The following GSE1 variants were observed in gnomAD, a reference collection of about 807,000 sequenced individuals.
GSE1 encodes the protein Gse1 coiled-coil protein.
Under a neutral mutation model 112.6 loss-of-function variants are expected in GSE1, and 32 were observed. The ratio of observed to expected loss-of-function variants is 0.28; its 90% CI spans 0.21 to 0.38. The LOEUF (loss-of-function observed/expected upper bound fraction) is 0.38, where lower values mean the gene tolerates loss of function less well. Among genes scored for constraint, GSE1 ranks in the 10% least tolerant of loss-of-function variants. The pLI is 1.00. For synonymous variants in GSE1, 1,115 were observed against 735.6 expected, an observed-to-expected ratio of 1.52 and a Z score of -8.35; for missense variants, 2,348 against 1,699.2, an observed-to-expected ratio of 1.38 and a Z score of -6.71.
At chr16:85,350,578 G>A (rs574904292) in intron 1 of GSE1, among the ~76,000 whole-genome samples, 14 of 152,102 alleles carry the variant, frequency 9.2e-5, no homozygotes, top group Middle Eastern at 6.8e-3. Flanking sequence ...AGGCCAAGAC[G>A]CCTTCCCCAG....
intron 1 of GSE1, among the ~76,000 whole-genome samples, chr16:85,339,576 A>G (rs564074182): frequency 4.5e-5 from 6 of 133,618 alleles, no homozygotes; most frequent in Admixed American, 8.6e-5. Flanking sequence ...TGTCTTCTCA[A>G]TGTTCTCCCA....
At chr16:85,424,115 G>A (rs565113323) in intron 2 of GSE1, among the ~76,000 whole-genome samples, 1 of 152,358 alleles carries the variant, frequency 6.6e-6, no homozygotes, top group African/African-American at 2.4e-5. Flanking sequence ...GTGTTCTGGG[G>A]TCTCTTGAAG....
chr16:85,452,528 C>A (rs2049715536), intron 2 of GSE1, among the ~76,000 whole-genome samples: 1 of 152,250 alleles, frequency 6.6e-6, no homozygotes, highest in South Asian at 2.1e-4. Flanking sequence ...CCGGCGGGGC[C>A]CAGAAGCCCC....
intron 1 of GSE1, among the ~76,000 whole-genome samples, chr16:85,614,594 G>C (rs983896717): frequency 6.6e-6 from 1 of 152,208 alleles, no homozygotes; most frequent in Non-Finnish European, 1.5e-5. Context: ...GTGGGCCGGG[G>C]GCCTGGCCGC....
chr16:85,664,342 A>T (rs965498527), intron 11 of GSE1, among the ~76,000 whole-genome samples: 2 of 152,190 alleles, frequency 1.3e-5, no homozygotes, highest in East Asian at 3.8e-4. Context: ...TTGGACCTTG[A>T]GCAGCTTCAA....
At chr16:85,506,480 G>A (rs1049499577) in intron 2 of GSE1, among the ~76,000 whole-genome samples, 4 of 152,020 alleles carry the variant, frequency 2.6e-5, no homozygotes, top group African/African-American at 9.7e-5. Flanking sequence ...AGGAAAAGGG[G>A]GCAAGACAAG....
intron 2 of GSE1, among the ~76,000 whole-genome samples, chr16:85,420,357 T>C (rs762587822): frequency 5.9e-5 from 9 of 152,180 alleles, no homozygotes; most frequent in Non-Finnish European, 1.2e-4. Flanking sequence ...TGAGGGAACG[T>C]ACTTCTGTTG....
intron 1 of GSE1, 32 bp downstream of exon 1, chr16:85,613,430 T>TCCTCCCC (rs1262259649): frequency 4.1e-5 from 62 of 1,527,540 alleles, no homozygotes; most frequent in Non-Finnish European, 5.0e-5. Context: ...GGGGACGGGG[T>TCCTCCCC]CCTCCCCCCT....
intron 2 of GSE1, chr16:85,359,565 G>A (rs2047021619): frequency 2.7e-6 from 1 of 363,656 alleles, no homozygotes; most frequent in Non-Finnish European, 5.6e-6. Context: ...GCAACCTCGT[G>A]AGCTGATGCT....
At chr16:85,614,122 C>T (rs888694471) in intron 1 of GSE1, among the ~76,000 whole-genome samples, 96 of 150,210 alleles carry the variant, frequency 6.4e-4, no homozygotes, top group African/African-American at 2.2e-3. Flanking sequence ...GCCCCAGCCT[C>T]GGAGGTGGGA....
chr16:85,487,575 C>T (rs902351517), intron 2 of GSE1, among the ~76,000 whole-genome samples: 7 of 152,314 alleles, frequency 4.6e-5, no homozygotes, highest in African/African-American at 1.7e-4. Flanking sequence ...GGCTAGGTGA[C>T]CCGCCCAGGT....
At chr16:85,490,271 G>C (rs2050968206) in intron 2 of GSE1, 1 of 152,228 alleles carries the variant, frequency 6.6e-6, no homozygotes, top group Admixed American at 6.5e-5. Flanking sequence ...AGAGCTGCTA[G>C]GTGCTCATGT....
intron 2 of GSE1, among the ~76,000 whole-genome samples, chr16:85,358,102 G>C (rs112876403): frequency 3.3e-5 from 5 of 152,182 alleles, no homozygotes; most frequent in African/African-American, 9.6e-5. Flanking sequence ...TGGCGCTGCC[G>C]TCCTCCCCCT....
At chr16:85,350,301 G>T (rs572750899) in intron 1 of GSE1, among the ~76,000 whole-genome samples, 2 of 152,316 alleles carry the variant, frequency 1.3e-5, no homozygotes, top group African/African-American at 4.8e-5. Flanking sequence ...TTTTACTCAA[G>T]ATCAGCAGTG....
At chr16:85,233,008 G>C (rs1904304816) in intron 1 of GSE1, among the ~76,000 whole-genome samples, 1 of 152,272 alleles carries the variant, frequency 6.6e-6, no homozygotes, top group African/African-American at 2.4e-5. Context: ...AGAGATGGCA[G>C]TCGGCAGTCG....
chr16:85,631,923 G>A (rs534288933), intron 1 of GSE1, among the ~76,000 whole-genome samples: 1 of 152,394 alleles, frequency 6.6e-6, no homozygotes, highest in South Asian at 2.1e-4. Context: ...GCAGCCCGGT[G>A]CGGGGGACAC....
intron 1 of GSE1, among the ~76,000 whole-genome samples, chr16:85,629,522 G>C (rs960146084): frequency 1.3e-5 from 2 of 152,354 alleles, no homozygotes; most frequent in South Asian, 2.1e-4. Flanking sequence ...GGAGCAGGTC[G>C]AGCTGGGCCC....
At chr16:85,437,324 T>C (rs145601058) in intron 2 of GSE1, among the ~76,000 whole-genome samples, 2 of 152,270 alleles carry the variant, frequency 1.3e-5, no homozygotes, top group Non-Finnish European at 2.9e-5. Flanking sequence ...GAGGCCTTTT[T>C]ACATGTAAAT....
At chr16:85,238,241 G>C (rs1416781403) in intron 1 of GSE1, among the ~76,000 whole-genome samples, 2 of 152,158 alleles carry the variant, frequency 1.3e-5, no homozygotes, top group African/African-American at 4.8e-5. Context: ...GGGTGTGCCA[G>C]CCTGCCCTCA....
Sources: gnomAD v4.1 joint callset for allele counts (sites outside exome capture counted in the v4.1 genomes callset) on GRCh38, gnomAD v4.1.1 for gene constraint, MANE v1.5 for transcripts, NCBI Gene and HGNC (gene_info 2026-07-23, HGNC 2026-07-21) for gene names.